ACSBG2: variants seen among roughly 807,000 people sequenced by gnomAD.
ACSBG2 encodes long-chain-fatty-acid--CoA ligase ACSBG2.
Under a neutral mutation model 74.7 loss-of-function variants are expected in ACSBG2, and 62 were observed. The ratio of observed to expected loss-of-function variants is 0.83; its 90% CI spans 0.68 to 1.03. The LOEUF (loss-of-function observed/expected upper bound fraction) is 1.03, where lower values mean the gene tolerates loss of function less well. ACSBG2 is among the 50% of genes least tolerant of loss of function. ACSBG2 has a pLI of 0.00. For synonymous variants in ACSBG2, 309 were observed against 294.1 expected (o/e 1.05, Z -0.52); for missense variants, 730 against 817.6 (o/e 0.89, Z 1.31).
intron 3 of ACSBG2, 68 bp from the exon 4 acceptor site, chr19:6,151,639 C>A: frequency 6.9e-7 from 1 of 1,455,666 alleles, no homozygotes; most frequent in Non-Finnish European, 9.4e-7. Flanking sequence ...ATTCTGTCGT[C>A]ACATATCCTA....
At chr19:6,167,222 A>T (rs1355374695) in intron 7 of ACSBG2, among the ~76,000 whole-genome samples, 1 of 152,158 alleles carries the variant, frequency 6.6e-6, no homozygotes, top group Non-Finnish European at 1.5e-5. Flanking sequence ...GTGTCTGACC[A>T]CCTCAGTGTT....
At chr19:6,168,258 A>G (rs1201687904) in intron 7 of ACSBG2, among the ~76,000 whole-genome samples, 1 of 151,972 alleles carries the variant, frequency 6.6e-6, no homozygotes, top group African/African-American at 2.4e-5. Context: ...TGGTCTTTGC[A>G]TGAGCTCCGT....
chr19:6,162,901 C>T (rs2089673404), intron 6 of ACSBG2, among the ~76,000 whole-genome samples: 1 of 151,780 alleles, frequency 6.6e-6, no homozygotes, highest in Admixed American at 6.6e-5. Flanking sequence ...GGAGTAGTAT[C>T]ACCCCTGGTT....
At chr19:6,178,554 G>A (rs1364787950) in intron 8 of ACSBG2, among the ~76,000 whole-genome samples, 2 of 151,996 alleles carry the variant, frequency 1.3e-5, no homozygotes, top group African/African-American at 4.8e-5. Flanking sequence ...GCTGATTTTT[G>A]TATTTTTAGT....
At chr19:6,187,186 G>A (rs1268015116) in intron 11 of ACSBG2, 97 bp from the exon 12 acceptor site, 11 of 1,531,190 alleles carry the variant, frequency 7.2e-6, no homozygotes, top group African/African-American at 1.4e-5. Context: ...TGTATATTTA[G>A]TAGAGACGGG....
At chr19:6,155,193 C>T (rs1164627431) in intron 4 of ACSBG2, among the ~76,000 whole-genome samples, 1 of 151,992 alleles carries the variant, frequency 6.6e-6, no homozygotes, top group Admixed American at 6.6e-5. Flanking sequence ...CACTGGCTTC[C>T]AACAAAGGCA....
At chr19:6,182,462 C>G (rs2090286688) in intron 8 of ACSBG2, among the ~76,000 whole-genome samples, 1 of 152,184 alleles carries the variant, frequency 6.6e-6, no homozygotes, top group Non-Finnish European at 1.5e-5. Flanking sequence ...TGAATTCCTT[C>G]ACCCACAGAA....
rs1023117450 is a variant in ACSBG2, at chr19:6,162,356, G to T, written c.588+1061G>T. On this transcript the variant is annotated intron_variant, in intron 6 of 14. Coordinates refer to ENST00000588485, the MANE Select transcript of ACSBG2 (RefSeq NM_030924.5). Reference sequence around the variant, plus strand: ...CCGAGGCAGGCGGATCACGAGGTCAGAAGATCGAGACCATCCTGGCTAACA... The same window carrying T: ...CCGAGGCAGGCGGATCACGAGGTCATAAGATCGAGACCATCCTGGCTAACA... Among the ~76,000 whole-genome samples, 8 of 150,602 alleles carry T rather than the reference G, an allele frequency of 5.3e-5. No homozygotes were observed. In the Admixed American group the frequency reaches 5.3e-4, roughly 10 times the overall value.
chr19:6,184,320 C>A (rs1189002180), intron 10 of ACSBG2, among the ~76,000 whole-genome samples: 1 of 152,012 alleles, frequency 6.6e-6, no homozygotes, highest in Non-Finnish European at 1.5e-5. Flanking sequence ...TTTTACTGTG[C>A]AGAAATTTGT....
intron 14 of ACSBG2, 57 bp downstream of exon 14, chr19:6,190,749 T>C (rs1055169366): frequency 2.6e-6 from 3 of 1,143,900 alleles, no homozygotes; most frequent in Admixed American, 1.7e-5. Flanking sequence ...AAGAGAGGGC[T>C]CCACTGTGTG....
chr19:6,153,880 A>ATAGAAAAAAGAAAAG (rs1555691557), intron 4 of ACSBG2, among the ~76,000 whole-genome samples: 1 of 107,696 alleles, frequency 9.3e-6, no homozygotes, highest in Non-Finnish European at 1.9e-5. Flanking sequence ...AAAGAAAAGA[A>ATAGAAAAAAGAAAAG]AAGGAAAAGA....
At position 6,192,908 on chromosome 19, in the gene ACSBG2, C is replaced by A. The variant is rs190167872; in HGVS notation, c.*276C>A. The A allele has an allele frequency of 6.6e-6, 1 of 152,222 alleles. No homozygotes were observed. Among genetic ancestry groups the A allele is most frequent in the Non-Finnish European group, 1.5e-5 (1 of 68,008 alleles). 9.4% of individuals were successfully genotyped at this position (152,222 alleles called of 1,614,324 possible). ...TATTGGGAAGTCTACTAAAAACTGC[C>A]TGATTTACAAGAAAGACCTGAACTT... On this transcript the variant is annotated 3_prime_UTR_variant, in exon 15 of 15. Transcript: ENST00000588485.
Position 6,192,281 on chromosome 19 carries a change from T to C in ACSBG2, c.*36-387T>C, listed in dbSNP as rs138346295. On this transcript the variant is annotated intron_variant, in intron 14 of 14. Transcript: ENST00000588485. ...AGGCTAGAGTGCAGTGGTGCATTCATACCTAATGTTTTAAATGTTTTTGTA... is the reference window on the plus strand; with the variant it reads ...AGGCTAGAGTGCAGTGGTGCATTCACACCTAATGTTTTAAATGTTTTTGTA... 5.2e-3 allele frequency among the ~76,000 whole-genome samples: 792 copies of C among 152,290 alleles called. 7 individuals carry two copies. The highest frequency in any genetic ancestry group is 0.011 in the East Asian group (59 of 5,186).
chr19:6,148,830 C>T (rs556976903), intron 3 of ACSBG2, among the ~76,000 whole-genome samples: 6 of 152,078 alleles, frequency 3.9e-5, no homozygotes, highest in African/African-American at 7.2e-5. Flanking sequence ...TGACTGAGCA[C>T]GGTGGCTCAT....
chr19:6,136,107 A>ATTTTC (rs1555687273), intron 1 of ACSBG2, among the ~76,000 whole-genome samples, 198 bp downstream of exon 1: 6 of 138,758 alleles, frequency 4.3e-5, no homozygotes. Context: ...TGTCCAGCTA[A>ATTTTC]TTTTTTTTTT....
At position 6,141,532 on chromosome 19, in the gene ACSBG2, T is replaced by C. The variant is rs200216765; in HGVS notation, c.-12T>C. The C allele has an allele frequency of 4.4e-4, 705 of 1,603,388 alleles. 2 individuals carry two copies. In the Middle Eastern group the frequency reaches 5.3e-3, roughly 12 times the overall value. ...TTGCAGTGCTGTGGAGCATGGTTTC[T>C]GCACACCTGGAATGACTGGAACCCC... is the stretch of plus-strand genomic sequence containing the variant. On this transcript the variant is annotated 5_prime_UTR_variant, in exon 2 of 15. Coordinates refer to ENST00000588485, the MANE Select transcript of ACSBG2 (RefSeq NM_030924.5).
At chr19:6,189,121 T>C (rs1323572281) in intron 13 of ACSBG2, among the ~76,000 whole-genome samples, 1 of 152,082 alleles carries the variant, frequency 6.6e-6, no homozygotes, top group African/African-American at 2.4e-5. Flanking sequence ...CTGATTTTAG[T>C]TTGTCCCCCT....
intron 7 of ACSBG2, among the ~76,000 whole-genome samples, chr19:6,169,966 G>C (rs1029174498): frequency 2.0e-5 from 3 of 152,148 alleles, no homozygotes; most frequent in Admixed American, 1.3e-4. Flanking sequence ...TTATCTAGGA[G>C]TGTTTTGGAG....
intron 8 of ACSBG2, among the ~76,000 whole-genome samples, chr19:6,181,555 A>T (rs1335379142): frequency 6.6e-6 from 1 of 152,092 alleles, no homozygotes; most frequent in Non-Finnish European, 1.5e-5. Flanking sequence ...AAAAGTGTTT[A>T]AGTTGGATGA....
Sources: allele counts gnomAD v4.1 joint callset (sites outside exome capture counted in the v4.1 genomes callset), GRCh38; gene constraint gnomAD v4.1.1; transcripts MANE v1.5; gene names NCBI Gene and HGNC (gene_info 2026-07-23, HGNC 2026-07-21).